The following YIPF6 variants were observed in gnomAD, a reference collection of about 807,000 sequenced individuals.
YIPF6 encodes the protein Yip1 domain family member 6.
In YIPF6, 3 loss-of-function variants were observed where a neutral mutation model predicts 16.8. The ratio of observed to expected loss-of-function variants is 0.18; its 90% CI spans 0.08 to 0.46. The LOEUF (loss-of-function observed/expected upper bound fraction) is 0.46. Among genes scored for constraint, YIPF6 ranks in the 20% least tolerant of loss-of-function variants. The pLI, the probability that YIPF6 is intolerant of heterozygous loss-of-function variation, is 0.98. For missense variants in YIPF6, 145 were observed against 184.9 expected, an observed-to-expected ratio of 0.78 and a Z score of 1.25; for synonymous variants, 67 against 61.9, an observed-to-expected ratio of 1.08 and a Z score of -0.38.
At position 68,508,432 on chromosome X, in the gene YIPF6, A is replaced by G. The variant is rs780099933; in HGVS notation, c.58-3417A>G. Among the ~76,000 whole-genome samples, 7 of 111,594 alleles carry G rather than the reference A, an allele frequency of 6.3e-5. No individual in the cohort carries two copies. The South Asian group carries it at 2.2e-3, about 36-fold the overall frequency. On this transcript the variant is annotated intron_variant, in intron 1 of 6. Transcript: ENST00000462683. ...ATCTCTTCAGAGCCATTATCTTTCT[A>G]TTCTTCTGGGATTCCAATTATTTAC...
intron 6 of YIPF6, among the ~76,000 whole-genome samples, chrX:68,531,547 C>T (rs920876110): frequency 8.9e-6 from 1 of 112,107 alleles, no homozygotes; most frequent in Non-Finnish European, 1.9e-5. Flanking sequence ...CAGAGCAGCA[C>T]GAGGCCGTTT....
intron 6 of YIPF6, among the ~76,000 whole-genome samples, chrX:68,530,195 C>G (rs1015749589): frequency 9.0e-6 from 1 of 111,684 alleles, no homozygotes; most frequent in Non-Finnish European, 1.9e-5. Flanking sequence ...GGTAGTCTGG[C>G]TACAGCAGCT....
intron 1 of YIPF6, chrX:68,510,882 C>T (rs2079078670): frequency 8.9e-6 from 1 of 112,721 alleles, no homozygotes; most frequent in African/African-American, 3.2e-5. Flanking sequence ...ATCTGCCCGC[C>T]TCGGCCTCCC....
intron 3 of YIPF6, among the ~76,000 whole-genome samples, chrX:68,516,696 A>C (rs2079104216): frequency 8.9e-6 from 1 of 112,267 alleles, no homozygotes; most frequent in South Asian, 3.7e-4. Flanking sequence ...GGTTATATAC[A>C]TGTGAGGTTA....
At chrX:68,503,578 G>T (rs1203250213) in intron 1 of YIPF6, among the ~76,000 whole-genome samples, 1 of 111,748 alleles carries the variant, frequency 8.9e-6, no homozygotes, top group African/African-American at 3.3e-5. Context: ...AAGAGACAAA[G>T]GGGAGAGAGT....
At chrX:68,515,750 C>T (rs1354128589) in intron 3 of YIPF6, among the ~76,000 whole-genome samples, 1 of 110,641 alleles carries the variant, frequency 9.0e-6, no homozygotes, top group Non-Finnish European at 1.9e-5. Context: ...CTCACTGTGG[C>T]CTCAAACTTC....
At chrX:68,507,185 C>G (rs1245818223) in intron 1 of YIPF6, among the ~76,000 whole-genome samples, 2 of 111,780 alleles carry the variant, frequency 1.8e-5, no homozygotes, top group Non-Finnish European at 3.8e-5. Flanking sequence ...CTCTCAAAAC[C>G]TGAAATATTT....
Position 68,532,363 on chromosome X carries a change from A to G in YIPF6, c.*364A>G, listed in dbSNP as rs1352411338. 8.1e-6 allele frequency: 1 copy of G among 123,726 alleles called. No individual in the cohort carries two copies. Among genetic ancestry groups the G allele is most frequent in the Non-Finnish European group, 1.6e-5 (1 of 61,308 alleles). The allele number at this position is 123,726 out of a possible 1,213,427, so 10.2% of individuals were successfully genotyped here. A position where few individuals can be genotyped will look rare whatever the true frequency, so the allele number is the denominator to read the frequency against. The stretch of plus-strand genomic sequence containing the variant: ...TTGAATAGAGTTGATAACTATTTTC[A>G]GTTTTGAGAATACCAGTTCAGGTGC... On this transcript the variant is annotated 3_prime_UTR_variant, in exon 7 of 7. Transcript: ENST00000462683.
At chrX:68,505,213 C>A (rs2079055211) in intron 1 of YIPF6, among the ~76,000 whole-genome samples, 1 of 111,569 alleles carries the variant, frequency 9.0e-6, no homozygotes, top group South Asian at 3.7e-4. Context: ...AGTTTGAGAC[C>A]AGCCTGGCCA....
chrX:68,521,277 C>A, intron 4 of YIPF6, 95 bp from the exon 5 acceptor site: 1 of 1,029,721 alleles, frequency 9.7e-7, no homozygotes, highest in Non-Finnish European at 1.3e-6. Flanking sequence ...TGAGGTATGG[C>A]ACAGCAATCT....
chrX:68,507,610 T>TC (rs1208754185), intron 1 of YIPF6, among the ~76,000 whole-genome samples: 2 of 109,180 alleles, frequency 1.8e-5, no homozygotes, highest in Non-Finnish European at 3.8e-5. Flanking sequence ...TTATAATTTT[T>TC]TTTTTTTTTT....
intron 6 of YIPF6, among the ~76,000 whole-genome samples, chrX:68,527,872 T>C (rs1454906613): frequency 8.9e-6 from 1 of 111,813 alleles, no homozygotes; most frequent in African/African-American, 3.2e-5. Context: ...GTTGTTATGA[T>C]TTCCATTCTT....
At chrX:68,515,302 G>A (rs1270617398) in intron 3 of YIPF6, 1 of 103,939 alleles carries the variant, frequency 9.6e-6, no homozygotes, top group Non-Finnish European at 2.0e-5. Flanking sequence ...GTCCAGCTTG[G>A]GCGAAAGAGT....
intron 3 of YIPF6, among the ~76,000 whole-genome samples, chrX:68,517,433 C>T (rs1445036623): frequency 8.9e-6 from 1 of 112,259 alleles, no homozygotes; most frequent in African/African-American, 3.2e-5. Context: ...AGGCGTGAGC[C>T]ACAGCATCCA....
chrX:68,501,733 T>G (rs1408218350), intron 1 of YIPF6, among the ~76,000 whole-genome samples: 1 of 112,134 alleles, frequency 8.9e-6, no homozygotes, highest in Admixed American at 9.6e-5. Context: ...AGTATATTTA[T>G]AGAACAACAC....
chrX:68,520,049 G>A (rs2147823599), intron 4 of YIPF6, among the ~76,000 whole-genome samples: 1 of 112,296 alleles, frequency 8.9e-6, no homozygotes, highest in East Asian at 2.8e-4. Context: ...TTCCAGGCTA[G>A]TTAATATTCT....
Position 68,511,977 on chromosome X carries a change from C to G in YIPF6, c.186C>G (p.Ile62Met). The G allele has an allele frequency of 8.3e-7, 1 of 1,204,626 alleles. No homozygotes were observed. Among genetic ancestry groups the G allele is most frequent in the Non-Finnish European group, 1.1e-6 (1 of 892,877 alleles). The change falls in exon 2 of 7, where the codon ATC (isoleucine) becomes ATG (methionine). Residue 62 changes from isoleucine (I) to methionine (M), a missense_variant and splice_region_variant. Coordinates refer to ENST00000462683, the MANE Select transcript of YIPF6 (RefSeq NM_173834.4). ...TAAATGAATCTGTTCGCAATACCAT[C>G]GTAAGTTAGACTAGTTGAGAGAACT... Reference protein sequence around the residue: ...STLNESVRNTIMRDLKAVGKK... With the variant: ...STLNESVRNTMMRDLKAVGKK...
chrX:68,506,666 A>G (rs1029595107), intron 1 of YIPF6, among the ~76,000 whole-genome samples: 1 of 110,986 alleles, frequency 9.0e-6, no homozygotes, highest in Admixed American at 9.7e-5. Flanking sequence ...TGTTATTGCA[A>G]TCCTGCCTAT....
chrX:68,503,354 T>A lies in YIPF6; in HGVS notation c.57+4231T>A, dbSNP rs1038507672. On this transcript the variant is annotated intron_variant, in intron 1 of 6. Transcript: ENST00000462683. ...TGGCCCAAGCCAGGCAGAGCAATGT[T>A]CATGTGTGTTTCTGTGAGCACATCT... Among the ~76,000 whole-genome samples the A allele has an allele frequency of 1.1e-4, 12 of 112,316 alleles. No individual in the cohort carries two copies. The South Asian group carries it at 4.4e-3, about 41-fold the overall frequency.
Sources: allele counts gnomAD v4.1 joint callset (sites outside exome capture counted in the v4.1 genomes callset), GRCh38; gene constraint gnomAD v4.1.1; transcripts MANE v1.5; gene names NCBI Gene and HGNC (gene_info 2026-07-23, HGNC 2026-07-21).